CFAP46: variants seen among roughly 807,000 people sequenced by gnomAD.
The protein encoded by CFAP46 is cilia and flagella associated protein 46, also known as cilia- and flagella-associated protein 46.
In CFAP46, 245 loss-of-function variants were observed where a neutral mutation model predicts 325.7. That is an observed-to-expected ratio of 0.75 (90% CI 0.68 to 0.84). CFAP46 has a LOEUF of 0.84. Among genes scored for constraint, CFAP46 ranks in the 40% least tolerant of loss-of-function variants. The pLI is 0.00. For missense variants in CFAP46, 3,346 were observed against 3,543.0 expected (o/e 0.94, Z 1.41); for synonymous variants, 1,523 against 1,495.9 (o/e 1.02, Z -0.42).
chr10:132,810,094 G>A (rs1847547705), intron 57 of CFAP46, among the ~76,000 whole-genome samples: 1 of 152,324 alleles, frequency 6.6e-6, no homozygotes, highest in East Asian at 1.9e-4. Context: ...GGGCTCGTGG[G>A]GATTGTGTGA....
intron 50 of CFAP46, among the ~76,000 whole-genome samples, chr10:132,821,689 C>T (rs1847836638): frequency 8.4e-6 from 1 of 118,982 alleles, no homozygotes; most frequent in African/African-American, 3.6e-5. Flanking sequence ...CTGATGTGTG[C>T]TGTGTGCTGA....
Position 132,817,510 on chromosome 10 carries a change from T to C in CFAP46, c.7118-2596A>G, listed in dbSNP as rs1342596911. Reference sequence around the variant, plus strand: ...TTTATTTGTCCTGGTTTTCTACCTGTTTCTCCATGACCAGCTGTTGGATTT... The same window carrying C: ...TTTATTTGTCCTGGTTTTCTACCTGCTTCTCCATGACCAGCTGTTGGATTT... On this transcript the variant is annotated intron_variant, in intron 50 of 57. Transcript: ENST00000368586. This position sits in a 1 kb window ranked among gnomAD's most constrained non-coding sequence, Gnocchi z 4.4. Among the ~76,000 whole-genome samples, 1 of 152,232 alleles carries C rather than the reference T, an allele frequency of 6.6e-6. No individual in the cohort carries two copies. The highest frequency in any genetic ancestry group is 1.5e-5 in the Non-Finnish European group (1 of 68,032).
chr10:132,882,123 A>G, intron 27 of CFAP46, among the ~76,000 whole-genome samples: 3 of 91,252 alleles, frequency 3.3e-5, no homozygotes, highest in Non-Finnish European at 2.2e-5. Context: ...TCTGTATGGG[A>G]TGTGGGGTGT....
In CFAP46 at chr10:132,869,074, T is replaced by C. The variant is rs1848858892; in HGVS notation, c.4610+200A>G. On this transcript the variant is annotated intron_variant, in intron 33 of 57. Coordinates refer to ENST00000368586, the MANE Select transcript of CFAP46 (RefSeq NM_001200049.3). This position sits in a 1 kb window ranked among gnomAD's most constrained non-coding sequence, Gnocchi z 6.2. ...GAGAGCCCCCCTCACCGCCCCTCCCTCCCTCTGTGAGGAGCACCTCCCCAC... is the reference window on the plus strand; with the variant it reads ...GAGAGCCCCCCTCACCGCCCCTCCCCCCCTCTGTGAGGAGCACCTCCCCAC... Among the ~76,000 whole-genome samples, 1 of 150,758 alleles carries C rather than the reference T, an allele frequency of 6.6e-6. No homozygotes were observed. Among genetic ancestry groups the C allele is most frequent in the Non-Finnish European group, 1.5e-5 (1 of 67,642 alleles).
chr10:132,883,915 A>C (rs1849083858), intron 27 of CFAP46, among the ~76,000 whole-genome samples: 2 of 152,342 alleles, frequency 1.3e-5, no homozygotes, highest in Non-Finnish European at 2.9e-5. Flanking sequence ...TGATGGATGC[A>C]GGATTGCTGG....
chr10:132,935,724 G>T (rs1201937720), intron 7 of CFAP46, among the ~76,000 whole-genome samples: 1 of 113,430 alleles, frequency 8.8e-6, no homozygotes, highest in Non-Finnish European at 1.8e-5. Context: ...ACTCCCCTCG[G>T]CACCCAAACA....
Position 132,812,897 on chromosome 10 carries a change from G to T in CFAP46, c.7389C>A (p.Ser2463Arg). The change falls in exon 55 of 58, where the codon AGC becomes AGA. Residue 2463 changes from serine (S) to arginine (R), a missense_variant and splice_region_variant. By Grantham distance (110) the Ser-to-Arg change is moderately radical (BLOSUM62 -1). Transcript: ENST00000368586. ...AGHLGSKHFPSQAQWEQALGS... is the reference protein window; with the variant it reads ...AGHLGSKHFPRQAQWEQALGS... ...CCAGGGCCTGCTCCCACTGGGCCTG[G>T]CTGCAGAGAGAGGAGAGCGCTGGTC... is the stretch of plus-strand genomic sequence containing the variant. 6.2e-7 allele frequency: 1 copy of T among 1,605,806 alleles called. No individual in the cohort carries two copies. Among genetic ancestry groups the T allele is most frequent in the Non-Finnish European group, 8.5e-7 (1 of 1,178,964 alleles).
Position 132,836,836 on chromosome 10 carries a change from G to C in CFAP46, c.6517C>G (p.Leu2173Val), listed in dbSNP as rs1591044120. The change falls in exon 45 of 58, where the codon CTG (leucine) becomes GTG (valine). Residue 2173 changes from leucine to valine, a missense_variant. Coordinates refer to ENST00000368586, the MANE Select transcript of CFAP46 (RefSeq NM_001200049.3). ...EMPPTFWILF[L>V]HLSGDRSRLY... is the part of the protein sequence containing the mutation. ...CTTTACCTGTCCCCTGAGAGGTGCA[G>C]AAAGAGGATCCAAAAGGTCGGAGGC... 15 of 1,613,794 alleles carry C rather than the reference G, an allele frequency of 9.3e-6. No homozygotes were observed. The highest frequency in any genetic ancestry group is 1.2e-5 in the Non-Finnish European group (14 of 1,179,956).
intron 7 of CFAP46, among the ~76,000 whole-genome samples, chr10:132,935,595 T>C (rs1358001748): frequency 5.4e-5 from 7 of 128,894 alleles, no homozygotes; most frequent in African/African-American, 1.6e-4. Flanking sequence ...CCAAACCCAC[T>C]GTGATCTCCT....
chr10:132,905,080 C>T (rs1258448504), intron 22 of CFAP46, among the ~76,000 whole-genome samples: 1 of 152,262 alleles, frequency 6.6e-6, no homozygotes, highest in African/African-American at 2.4e-5. Context: ...GTCCTTCCTG[C>T]TCTACCAGCA....
At chr10:132,860,579 C>T (rs1848706763) in intron 36 of CFAP46, 56 bp from the exon 37 acceptor site, 1 of 1,367,462 alleles carries the variant, frequency 7.3e-7, no homozygotes, top group Non-Finnish European at 1.0e-6. Flanking sequence ...GGCATGGATA[C>T]AGGCCTGAGG....
chr10:132,833,897 C>T, intron 49 of CFAP46, 144 bp downstream of exon 49: 1 of 747,802 alleles, frequency 1.3e-6, no homozygotes, highest in Non-Finnish European at 2.3e-6. Flanking sequence ...GCAGGGAGGC[C>T]TCAGGGGAAG....
At position 132,814,080 on chromosome 10, in the gene CFAP46, G is replaced by T; in HGVS notation, c.7388+72C>A. 4.1e-6 allele frequency: 5 copies of T among 1,212,996 alleles called. No individual in the cohort carries two copies. In the South Asian group the frequency reaches 6.2e-5, roughly 15 times the overall value. The allele number at this position is 1,212,996 out of a possible 1,614,324, so 75.1% of individuals were successfully genotyped here. ...GGCAGACCCAGGGAGCCGGGGGTAG[G>T]GGGCAGTGGCTCCCCGCTGGACCCC... On this transcript the variant is annotated intron_variant, in intron 54 of 57. Coordinates refer to ENST00000368586, the MANE Select transcript of CFAP46 (RefSeq NM_001200049.3).
In CFAP46 at chr10:132,821,472, TTG is replaced by T. The variant is rs573519876; in HGVS notation, c.7118-6560_7118-6559del. ...TGTGTGCTGTGTGTGCTGATGTGTG[TTG>T]TGTGTGCTGTGTGAGTGCTGATGTG... On this transcript the variant is annotated intron_variant, in intron 50 of 57. Coordinates refer to ENST00000368586, the MANE Select transcript of CFAP46 (RefSeq NM_001200049.3). Among the ~76,000 whole-genome samples the T allele has an allele frequency of 2.3e-3, 313 of 137,068 alleles. 3 individuals carry two copies. Among genetic ancestry groups the T allele is most frequent in the South Asian group, 0.015 (58 of 3,970 alleles). 89.9% of individuals were successfully genotyped at this position (137,068 alleles called of 152,430 possible). A position where few individuals can be genotyped will look rare whatever the true frequency, so the allele number is the denominator to read the frequency against.
chr10:132,901,891 C>A (rs762303563), intron 22 of CFAP46, among the ~76,000 whole-genome samples: 8 of 152,154 alleles, frequency 5.3e-5, no homozygotes, highest in Non-Finnish European at 1.5e-5. Flanking sequence ...TTTTTTAACA[C>A]TTAAAAACTG....
intron 50 of CFAP46, among the ~76,000 whole-genome samples, chr10:132,824,549 G>A (rs1284363947): frequency 2.2e-4 from 25 of 111,504 alleles, no homozygotes; most frequent in Non-Finnish European, 3.1e-4. Context: ...CTGTGTGTGC[G>A]CTGATGTGTG....
rs1397849831 is a variant in CFAP46, at chr10:132,916,563, C to T, written c.2106G>A (p.Glu702=). The T allele has an allele frequency of 6.5e-7, 1 of 1,548,290 alleles. No homozygotes were observed. The highest frequency in any genetic ancestry group is 1.2e-5 in the South Asian group (1 of 83,938). Reference sequence around the variant, plus strand: ...CCTCTGCCCACCTGTATGTGATCCACTCAGCATTCACCTCCGGGGGCTCAG... The same window carrying T: ...CCTCTGCCCACCTGTATGTGATCCATTCAGCATTCACCTCCGGGGGCTCAG... ...YVPEPPEVNA[E]WITYRTWIES... The change falls in exon 17 of 58, where the codon GAG becomes GAA. Residue 702 remains glutamate, a synonymous_variant. Transcript: ENST00000368586.
At chr10:132,940,513 G>A (rs1850080642) in intron 4 of CFAP46, among the ~76,000 whole-genome samples, 1 of 152,198 alleles carries the variant, frequency 6.6e-6, no homozygotes, top group African/African-American at 2.4e-5. Flanking sequence ...CTGGGCCGAA[G>A]AAGGAACCGT....
At chr10:132,922,767 G>A in intron 11 of CFAP46, 59 bp from the exon 12 acceptor site, 2 of 1,373,104 alleles carry the variant, frequency 1.5e-6, no homozygotes, top group Middle Eastern at 1.9e-4. Flanking sequence ...TCAGGCTGGG[G>A]TCACACCCTC....
Sources: gnomAD v4.1 joint callset for allele counts (sites outside exome capture counted in the v4.1 genomes callset) on GRCh38, gnomAD v4.1.1 for gene constraint, Gnocchi (gnomAD v3.1) non-coding constraint, MANE v1.5 for transcripts, NCBI Gene and HGNC (gene_info 2026-07-23, HGNC 2026-07-21) for gene names.